The following PARD3 variants were observed in gnomAD, a reference collection of about 807,000 sequenced individuals.
PARD3 encodes partitioning defective 3 homolog.
In PARD3, 75 loss-of-function variants were observed where a neutral mutation model predicts 155.4. The observed-to-expected ratio is 0.48, with a 90% CI of 0.40 to 0.58. The LOEUF is 0.58. Ranked by LOEUF, PARD3 falls within the 20% of genes least tolerant of loss-of-function variation. The probability of loss-of-function intolerance (pLI) is 0.00; values close to 1 mark genes in which losing one functional copy is unlikely to be tolerated. For missense variants in PARD3, 1,642 were observed against 1,721.7 expected (o/e 0.95, Z 0.82); for synonymous variants, 576 against 610.5 (o/e 0.94, Z 0.83).
chr10:34,626,554 T>C (rs1443039508), intron 2 of PARD3, among the ~76,000 whole-genome samples: 1 of 152,250 alleles, frequency 6.6e-6, no homozygotes, highest in Non-Finnish European at 1.5e-5. Flanking sequence ...CTCTACATTT[T>C]GGCATTACAT....
rs56296050 is a variant in PARD3 at position 34,532,968 on chromosome 10, G to A, written c.223-15809C>T. On this transcript the variant is annotated intron_variant, in intron 2 of 24. Transcript: ENST00000374788. ...CCCTATTACACACCTAAGCTATTAT[G>A]TTACAGCCTATTTGCTCCTAGGATA... Among the ~76,000 whole-genome samples the A allele has an allele frequency of 5.1e-3, 770 of 152,230 alleles. 5 individuals are homozygous for A. Among genetic ancestry groups the A allele is most frequent in the Non-Finnish European group, 8.8e-3 (598 of 68,016 alleles).
intron 22 of PARD3, among the ~76,000 whole-genome samples, chr10:34,220,282 C>A (rs563170609): frequency 2.1e-4 from 32 of 152,122 alleles, no homozygotes; most frequent in African/African-American, 7.5e-4. Flanking sequence ...GGAGTGACAT[C>A]CCGCGTTTTT....
chr10:34,605,931 C>CTATA (rs56107450), intron 2 of PARD3, among the ~76,000 whole-genome samples: 2 of 22,652 alleles, frequency 8.8e-5, no homozygotes, highest in South Asian at 1.9e-3. Context: ...TATATATCTC[C>CTATA]TATATATATA....
At chr10:34,140,886 G>C (rs1948154942) in intron 22 of PARD3, among the ~76,000 whole-genome samples, 1 of 152,100 alleles carries the variant, frequency 6.6e-6, no homozygotes. Flanking sequence ...CTTTTTTTGT[G>C]ATGCTTCAGG....
chr10:34,146,965 G>C (rs944935186), intron 22 of PARD3, among the ~76,000 whole-genome samples: 2 of 152,122 alleles, frequency 1.3e-5, no homozygotes, highest in Non-Finnish European at 2.9e-5. Context: ...TAGAAGAACC[G>C]AGTGGTAAGC....
At chr10:34,651,657 T>C (rs2093017980) in intron 2 of PARD3, among the ~76,000 whole-genome samples, 1 of 152,210 alleles carries the variant, frequency 6.6e-6, no homozygotes, top group African/African-American at 2.4e-5. Flanking sequence ...GCGACGTTAA[T>C]ACAGTATGCT....
intron 3 of PARD3, among the ~76,000 whole-genome samples, chr10:34,497,453 G>T (rs1336842356): frequency 8.5e-5 from 13 of 152,146 alleles, no homozygotes; most frequent in Non-Finnish European, 1.6e-4. Context: ...GGTATCTGCA[G>T]GAGTTCCTGG....
chr10:34,578,998 C>A (rs1054006230), intron 2 of PARD3, among the ~76,000 whole-genome samples: 1 of 152,140 alleles, frequency 6.6e-6, no homozygotes, highest in African/African-American at 2.4e-5. Flanking sequence ...TAAGGCTGCG[C>A]GCAGTAGCTC....
chr10:34,307,112 G>A (rs1002701288), intron 20 of PARD3, among the ~76,000 whole-genome samples: 2 of 151,888 alleles, frequency 1.3e-5, no homozygotes, highest in African/African-American at 2.4e-5. Context: ...GGATGGTCTC[G>A]ATCTCCTGAA....
intron 14 of PARD3, among the ~76,000 whole-genome samples, chr10:34,351,261 A>G (rs1048891097): frequency 1.3e-5 from 2 of 148,842 alleles, no homozygotes; most frequent in African/African-American, 4.9e-5. Flanking sequence ...GTTTTTTTTT[A>G]GCATATTGTA....
At chr10:34,338,063 A>G (rs1836387501) in intron 16 of PARD3, among the ~76,000 whole-genome samples, 1 of 152,378 alleles carries the variant, frequency 6.6e-6, no homozygotes, top group South Asian at 2.1e-4. Flanking sequence ...GATTCCCTGT[A>G]CTCTATGAGC....
chr10:34,512,667 G>A (rs966230886), intron 3 of PARD3, among the ~76,000 whole-genome samples: 1 of 152,118 alleles, frequency 6.6e-6, no homozygotes, highest in African/African-American at 2.4e-5. Context: ...ATACACAGGA[G>A]TTTTTCTTCC....
intron 21 of PARD3, among the ~76,000 whole-genome samples, chr10:34,275,618 C>T (rs2570339): frequency 0.14 from 21,254 of 152,108 alleles, 3,931 homozygotes; most frequent in African/African-American, 0.43. Context: ...CTTTCTAACA[C>T]GACCAAAAGG....
chr10:34,674,533 C>A (rs1240002207), intron 2 of PARD3, among the ~76,000 whole-genome samples: 1 of 135,182 alleles, frequency 7.4e-6, no homozygotes, highest in African/African-American at 2.8e-5. Flanking sequence ...GTTGCCCAGG[C>A]TGGAGTGCAG....
intron 1 of PARD3, among the ~76,000 whole-genome samples, chr10:34,762,259 G>GGAGGGAGAGAGA (rs1554827743): frequency 6.7e-6 from 1 of 149,320 alleles, no homozygotes; most frequent in Admixed American, 6.7e-5. Context: ...GGAGGGAGAG[G>GGAGGGAGAGAGA]GAGAGAGAGA....
At position 34,149,971 on chromosome 10, in the gene PARD3, T is replaced by A. The variant is rs554991966; in HGVS notation, c.3420-18388A>T. On this transcript the variant is annotated intron_variant, in intron 22 of 24. Transcript: ENST00000374788. ...TTTTTGTGTCCTTGTAAACTTCATT[T>A]GAACAGCTATTTTAAGAAGCTGCTT... Among the ~76,000 whole-genome samples, 159 of 152,344 alleles carry A rather than the reference T, an allele frequency of 1.0e-3. 1 individual carries two copies. Among genetic ancestry groups the A allele is most frequent in the African/African-American group, 3.8e-3 (158 of 41,586 alleles).
At chr10:34,706,305 A>G (rs2094360931) in intron 1 of PARD3, among the ~76,000 whole-genome samples, 2 of 152,356 alleles carry the variant, frequency 1.3e-5, no homozygotes, top group African/African-American at 2.4e-5. Flanking sequence ...CCAGGACTCC[A>G]GCCCAGGTCT....
intron 5 of PARD3, among the ~76,000 whole-genome samples, chr10:34,404,691 C>T (rs761850381): frequency 1.3e-5 from 2 of 151,792 alleles, no homozygotes; most frequent in South Asian, 4.2e-4. Context: ...CAGACCTGGG[C>T]GTGAATAGCA....
Position 34,369,316 on chromosome 10 carries a change from GTTTA to G in PARD3, c.1707+3178_1707+3181del, listed in dbSNP as rs200089677. Among the ~76,000 whole-genome samples, 1,194 of 56,170 alleles carry G rather than the reference GTTTA, an allele frequency of 0.021. 32 individuals carry two copies. In the East Asian group the frequency reaches 0.24, roughly 11 times the overall value. The allele number at this position is 56,170 out of a possible 152,430, so 36.8% of individuals were successfully genotyped here. On this transcript the variant is annotated intron_variant, in intron 12 of 24. Transcript: ENST00000374788. Reference sequence around the variant, plus strand: ...ATTTTTGTGATTTATTTATTTATTTGTTTATTTATTTATTTATTTATTTATTTAT... The same window carrying G: ...ATTTTTGTGATTTATTTATTTATTTGTTTATTTATTTATTTATTTATTTAT...
Sources: gnomAD v4.1 joint callset for allele counts (sites outside exome capture counted in the v4.1 genomes callset) on GRCh38, gnomAD v4.1.1 for gene constraint, MANE v1.5 for transcripts, NCBI Gene and HGNC (gene_info 2026-07-23, HGNC 2026-07-21) for gene names.